TBC1D30: variants seen among roughly 807,000 people sequenced by gnomAD.
TBC1D30 encodes the protein TBC1 domain family, member 30.
Under a neutral mutation model 63.2 loss-of-function variants are expected in TBC1D30, and 31 were observed. The observed-to-expected ratio is 0.49, with a 90% CI of 0.37 to 0.66. The LOEUF is 0.66. Among genes scored for constraint, TBC1D30 ranks in the 30% least tolerant of loss-of-function variants. TBC1D30 has a pLI of 0.00. For synonymous variants in TBC1D30, 307 were observed against 361.5 expected, an observed-to-expected ratio of 0.85 and a Z score of 1.71; for missense variants, 810 against 953.6, an observed-to-expected ratio of 0.85 and a Z score of 1.98.
chr12:64,870,665 A>G lies in TBC1D30; in HGVS notation c.1355A>G (p.Asn452Ser). Residue 452 changes from asparagine (N) to serine (S), a missense_variant, in exon 11 of 12, where the codon AAT (asparagine) becomes AGT (serine). By Grantham distance (46) the Asn-to-Ser change is conservative. Around this residue, in one of 4 missense-constraint regions of TBC1D30, gnomAD observed 450 missense variants for 473.0 expected, o/e 0.95. Coordinates refer to ENST00000539867, the MANE Select transcript of TBC1D30 (RefSeq NM_015279.2). ...NIAELSPGAINSCRSEYHAAF... is the reference protein window; with the variant it reads ...NIAELSPGAISSCRSEYHAAF... ...GCAGAGCTGAGTCCAGGAGCAATCA[A>G]TTCCTGTCGAAGTGAATACCATGCA... 1 of 1,536,180 alleles carries G rather than the reference A, an allele frequency of 6.5e-7. No homozygotes were observed. The highest frequency in any genetic ancestry group is 8.7e-7 in the Non-Finnish European group (1 of 1,146,902).
chr12:64,805,098 G>A (rs1178555923), intron 2 of TBC1D30, among the ~76,000 whole-genome samples: 1 of 152,158 alleles, frequency 6.6e-6, no homozygotes, highest in Non-Finnish European at 1.5e-5. Flanking sequence ...CTGCTCAGGA[G>A]GCTGAGGTGG....
rs1874175823 is a variant in TBC1D30 at position 64,824,963 on chromosome 12, G to A, written c.84G>A (p.Leu28=). ...AGGGCGGCGGCGTGGGCACCATCCT[G>A]AGCAATGTGCTCAAGAAGCGCAGCT... ...KRQGGGVGTI[L]SNVLKKRSCI... is the part of the protein sequence containing the mutation. Residue 28 remains leucine (L), a synonymous_variant, in exon 1 of 12, where the codon CTG becomes CTA. Coordinates refer to ENST00000539867, the MANE Select transcript of TBC1D30 (RefSeq NM_015279.2). 1 of 1,534,756 alleles carries A rather than the reference G, an allele frequency of 6.5e-7. No homozygotes were observed. The highest frequency in any genetic ancestry group is 1.4e-5 in the African/African-American group (1 of 73,008).
At chr12:64,799,269 A>C (rs1434989694) in intron 2 of TBC1D30, among the ~76,000 whole-genome samples, 1 of 152,182 alleles carries the variant, frequency 6.6e-6, no homozygotes, top group Non-Finnish European at 1.5e-5. Context: ...GTCTCATGCA[A>C]GTTCCCCGAC....
intron 2 of TBC1D30, among the ~76,000 whole-genome samples, chr12:64,815,924 C>G (rs930504138): frequency 4.6e-5 from 7 of 151,894 alleles, no homozygotes; most frequent in Non-Finnish European, 7.4e-5. Flanking sequence ...TAGCCATGTA[C>G]CACCATGCCT....
chr12:64,848,895 T>C (rs538513793), intron 8 of TBC1D30, among the ~76,000 whole-genome samples: 220 of 152,228 alleles, frequency 1.4e-3, no homozygotes, highest in African/African-American at 5.1e-3. Flanking sequence ...CCACCAACAG[T>C]GTAAAAGCAT....
intron 8 of TBC1D30, among the ~76,000 whole-genome samples, chr12:64,862,541 G>A (rs553673472): frequency 6.6e-6 from 1 of 152,148 alleles, no homozygotes; most frequent in East Asian, 1.9e-4. Context: ...GGTGCAGTAG[G>A]GGGAGGATGT....
intron 8 of TBC1D30, among the ~76,000 whole-genome samples, chr12:64,860,522 C>T (rs1424657298): frequency 6.6e-6 from 1 of 151,912 alleles, no homozygotes; most frequent in Non-Finnish European, 1.5e-5. Flanking sequence ...GCTTCAGCAA[C>T]ATCTAGCCTA....
In TBC1D30 at chr12:64,878,568, CTCT is replaced by C; in HGVS notation, c.*2782_*2784del. ...TGGGACATTGTATTCCTTTGTTTGTCTCTTGTTGTTCTGAAGGATTGTATTGAT... is the reference window on the plus strand; with the variant it reads ...TGGGACATTGTATTCCTTTGTTTGTCTGTTGTTCTGAAGGATTGTATTGAT... On this transcript the variant is annotated 3_prime_UTR_variant, in exon 12 of 12. Transcript: ENST00000539867. 1 of 456,582 alleles carries C rather than the reference CTCT, an allele frequency of 2.2e-6. No homozygotes were observed. The highest frequency in any genetic ancestry group is 7.0e-5 in the East Asian group (1 of 14,386). 28.3% of individuals were successfully genotyped at this position (456,582 alleles called of 1,614,324 possible).
chr12:64,851,118 T>C (rs1211260399), intron 8 of TBC1D30, among the ~76,000 whole-genome samples: 2 of 152,162 alleles, frequency 1.3e-5, no homozygotes, highest in Non-Finnish European at 2.9e-5. Context: ...GTGATGATAT[T>C]TCCTGTATCA....
In TBC1D30 at chr12:64,824,996, C is replaced by T; in HGVS notation, c.117C>T (p.Ser39=). The change falls in exon 1 of 12, where the codon TCC becomes TCT. Residue 39 remains serine (S), a synonymous_variant. Coordinates refer to ENST00000539867, the MANE Select transcript of TBC1D30 (RefSeq NM_015279.2). ...SNVLKKRSCI[S]RTAPRLLCTL... The stretch of plus-strand genomic sequence containing the variant: ...TGCTCAAGAAGCGCAGCTGCATTTC[C>T]CGGACCGCGCCCCGGCTGCTGTGCA... 1 of 1,534,236 alleles carries T rather than the reference C, an allele frequency of 6.5e-7. No individual in the cohort carries two copies. The highest frequency in any genetic ancestry group is 8.7e-7 in the Non-Finnish European group (1 of 1,146,426).
chr12:64,858,480 G>A (rs950198029), intron 8 of TBC1D30, among the ~76,000 whole-genome samples: 2 of 152,154 alleles, frequency 1.3e-5, no homozygotes, highest in African/African-American at 2.4e-5. Flanking sequence ...TAGTCAGCAG[G>A]TGATGAATCC....
chr12:64,805,532 T>C (rs1051033279), intron 2 of TBC1D30, among the ~76,000 whole-genome samples: 9 of 152,120 alleles, frequency 5.9e-5, no homozygotes, highest in African/African-American at 2.2e-4. Context: ...GTGTGTCTCA[T>C]TGAGAAAATA....
chr12:64,864,929 T>G (rs1878093910), intron 9 of TBC1D30, 149 bp downstream of exon 9: 1 of 643,790 alleles, frequency 1.6e-6, no homozygotes, highest in Middle Eastern at 3.5e-4. Flanking sequence ...GGTTTTGATT[T>G]AAACTCAAGA....
chr12:64,792,670 A>G (rs982087214), intron 2 of TBC1D30, among the ~76,000 whole-genome samples: 1 of 152,108 alleles, frequency 6.6e-6, no homozygotes, highest in Non-Finnish European at 1.5e-5. Context: ...CCCGAGTTCA[A>G]GCGATTTTCT....
intron 2 of TBC1D30, among the ~76,000 whole-genome samples, chr12:64,813,863 G>A (rs758895515): frequency 2.0e-4 from 30 of 152,268 alleles, no homozygotes; most frequent in African/African-American, 6.7e-4. Context: ...ACTGTCAAAT[G>A]TGCACGGAGC....
intron 9 of TBC1D30, among the ~76,000 whole-genome samples, chr12:64,865,681 C>A (rs1878150773): frequency 6.6e-6 from 1 of 152,092 alleles, no homozygotes; most frequent in East Asian, 1.9e-4. Context: ...CGTAGCAAGA[C>A]CCTGTCTCTA....
Position 64,866,898 on chromosome 12 carries a change from TTAAAGG to T in TBC1D30, c.1291+1_1291+6del. 6.5e-7 allele frequency: 1 copy of T among 1,535,992 alleles called. No individual in the cohort carries two copies. The highest frequency in any genetic ancestry group is 8.7e-7 in the Non-Finnish European group (1 of 1,146,868). On this transcript the variant is annotated splice_donor_variant and coding_sequence_variant, in exon 10 of 12. Coordinates refer to ENST00000539867, the MANE Select transcript of TBC1D30 (RefSeq NM_015279.2). LOFTEE classifies it high-confidence loss of function. ...GAACTGCAGAAGTACCAAAAACAAA[TTAAAGG>T]TAAAGAGGTGGCTCTTGATTTAGAT...
rs1245444312 is a variant in TBC1D30, at chr12:64,765,523, A to T, written c.-376+5874A>T. Among the ~76,000 whole-genome samples the T allele has an allele frequency of 4.2e-4, 61 of 145,100 alleles. No homozygotes were observed. In the Middle Eastern group the frequency reaches 0.018, roughly 42 times the overall value. ...AAAAAAAAAAAAAAAAAAAAAAATTACTATATAGGCTCCCAAACAGGAAAA... is the reference window on the plus strand; with the variant it reads ...AAAAAAAAAAAAAAAAAAAAAAATTTCTATATAGGCTCCCAAACAGGAAAA... On this transcript the variant is annotated intron_variant, in intron 1 of 13. Transcript: ENST00000674237.
chr12:64,855,709 T>C (rs1877242726), intron 8 of TBC1D30, among the ~76,000 whole-genome samples: 1 of 152,244 alleles, frequency 6.6e-6, no homozygotes, highest in African/African-American at 2.4e-5. Context: ...GATAGAATTC[T>C]GAATTCCTTC....
Sources: allele counts gnomAD v4.1 joint callset (sites outside exome capture counted in the v4.1 genomes callset), GRCh38; gene constraint gnomAD v4.1.1; regional missense constraint gnomAD v4.1.1; transcripts MANE v1.5; gene names NCBI Gene and HGNC (gene_info 2026-07-23, HGNC 2026-07-21).